ROBO2: variants seen among roughly 807,000 people sequenced by gnomAD.
ROBO2 encodes roundabout homolog 2.
A neutral mutation model predicts 160.8 loss-of-function variants in ROBO2; 53 were observed. That is an observed-to-expected ratio of 0.33 (90% CI 0.26 to 0.41). The LOEUF (loss-of-function observed/expected upper bound fraction) is 0.41. Among genes scored for constraint, ROBO2 ranks in the 10% least tolerant of loss-of-function variants. ROBO2 has a pLI of 1.00. For synonymous variants in ROBO2, 664 were observed against 611.7 expected (o/e 1.09, Z -1.26); for missense variants, 1,577 against 1,722.4 (o/e 0.92, Z 1.49).
At chr3:77,572,722 T>C (rs1434273219) in intron 13 of ROBO2, among the ~76,000 whole-genome samples, 1 of 151,836 alleles carries the variant, frequency 6.6e-6, no homozygotes, top group Non-Finnish European at 1.5e-5. Flanking sequence ...TTCCTTTTGT[T>C]CCACTGTATT....
chr3:76,727,700 G>T lies in ROBO2; in HGVS notation c.110-370314G>T, dbSNP rs1286221533. On this transcript the variant is annotated intron_variant, in intron 2 of 26. Coordinates refer to the ROBO2 transcript ENST00000487694. The stretch of plus-strand genomic sequence containing the variant: ...GTGGAAGCTAAAAAAGTTGATCTCA[G>T]GGAGGTAGAGAGTAGAATGCTAGAT... Among the ~76,000 whole-genome samples, 8 of 152,216 alleles carry T rather than the reference G, an allele frequency of 5.3e-5. No homozygotes were observed. The South Asian group carries it at 1.5e-3, about 28-fold the overall frequency.
intron 2 of ROBO2, among the ~76,000 whole-genome samples, chr3:76,782,654 T>G (rs557242198): frequency 6.6e-6 from 1 of 150,906 alleles, no homozygotes; most frequent in African/African-American, 2.4e-5. Flanking sequence ...CATTTTACAG[T>G]TTTTGACTTA....
Position 77,392,786 on chromosome 3 carries a change from A to T in ROBO2, c.389-84628A>T, listed in dbSNP as rs1209213062. The stretch of plus-strand genomic sequence containing the variant: ...GATTTAAACATAGTACTATTTTTTT[A>T]TTCCTAACAGAAGCTATTTCTTTGT... On this transcript the variant is annotated intron_variant, in intron 2 of 25. Coordinates refer to ENST00000461745, the Ensembl canonical transcript of ROBO2. 2.0e-5 allele frequency among the ~76,000 whole-genome samples: 3 copies of T among 152,132 alleles called. No homozygotes were observed. In the East Asian group the frequency reaches 5.8e-4, roughly 29 times the overall value.
At chr3:77,138,926 T>C (rs1024977918) in intron 2 of ROBO2, among the ~76,000 whole-genome samples, 1 of 152,146 alleles carries the variant, frequency 6.6e-6, no homozygotes, top group Admixed American at 6.5e-5. Flanking sequence ...AAAAAATGTC[T>C]GACTCTGGCT....
At chr3:76,885,942 C>T (rs574415390) in intron 2 of ROBO2, among the ~76,000 whole-genome samples, 8 of 152,136 alleles carry the variant, frequency 5.3e-5, no homozygotes, top group Non-Finnish European at 8.8e-5. Context: ...AGGTGAGGAG[C>T]GGGGGAGGGC....
intron 2 of ROBO2, among the ~76,000 whole-genome samples, chr3:76,169,364 A>G (rs369121821): frequency 1.3e-4 from 20 of 152,302 alleles, no homozygotes; most frequent in Middle Eastern, 3.4e-3. Flanking sequence ...TAACGGAGGC[A>G]CAACATTTTG....
Position 77,616,936 on chromosome 3 carries a change from A to T in ROBO2, c.3294-577A>T, listed in dbSNP as rs550804326. 5.6e-4 allele frequency among the ~76,000 whole-genome samples: 85 copies of T among 152,300 alleles called. 1 individual carries two copies. The South Asian group carries it at 0.017, about 30-fold the overall frequency. ...CAAGGTTTTGAACTCCTGTTTTGTGATTTGCATTTGGATGACAAGATAAAG... is the reference window on the plus strand; with the variant it reads ...CAAGGTTTTGAACTCCTGTTTTGTGTTTTGCATTTGGATGACAAGATAAAG... On this transcript the variant is annotated intron_variant, in intron 21 of 25. Transcript: ENST00000461745.
At chr3:76,175,376 A>G (rs1343735505) in intron 2 of ROBO2, among the ~76,000 whole-genome samples, 2 of 151,878 alleles carry the variant, frequency 1.3e-5, no homozygotes, top group Non-Finnish European at 2.9e-5. Flanking sequence ...ATGCATGCTA[A>G]TTGTTTTAAG....
chr3:77,384,794 A>G (rs2073927197), intron 2 of ROBO2, among the ~76,000 whole-genome samples: 1 of 152,206 alleles, frequency 6.6e-6, no homozygotes, highest in South Asian at 2.1e-4. Context: ...GTTAATGAGA[A>G]TTTAAAATAT....
intron 2 of ROBO2, among the ~76,000 whole-genome samples, chr3:76,502,028 A>C (rs9867552): frequency 0.015 from 2,191 of 146,960 alleles, 57 homozygotes; most frequent in African/African-American, 0.057. Context: ...CATAATCTTT[A>C]ATATTCAAAC....
intron 2 of ROBO2, among the ~76,000 whole-genome samples, chr3:76,132,472 C>CAATTA (rs1242096714): frequency 6.7e-6 from 1 of 148,510 alleles, no homozygotes; most frequent in African/African-American, 2.5e-5. Flanking sequence ...TCACATTCAT[C>CAATTA]AATTAGGAAA....
intron 2 of ROBO2, among the ~76,000 whole-genome samples, chr3:77,193,307 G>A (rs1238096023): frequency 2.0e-5 from 3 of 151,812 alleles, no homozygotes; most frequent in African/African-American, 7.3e-5. Flanking sequence ...ATAAGGTCTT[G>A]TTCTGTTGTC....
Position 75,918,667 on chromosome 3 carries a change from G to A in ROBO2, c.-14+11707G>A, listed in dbSNP as rs1255745841. Reference sequence around the variant, plus strand: ...GATATTGAGTCTTCCTATCCATGAGGATGGAATGTTTCTCTATATGTTTGT... The same window carrying A: ...GATATTGAGTCTTCCTATCCATGAGAATGGAATGTTTCTCTATATGTTTGT... On this transcript the variant is annotated intron_variant, in intron 1 of 26. Coordinates refer to the ROBO2 transcript ENST00000487694. Among the ~76,000 whole-genome samples, 5 of 152,128 alleles carry A rather than the reference G, an allele frequency of 3.3e-5. No individual in the cohort carries two copies. The South Asian group carries it at 6.2e-4, about 19-fold the overall frequency.
chr3:76,706,991 A>G (rs1381357150), intron 2 of ROBO2, among the ~76,000 whole-genome samples: 1 of 151,588 alleles, frequency 6.6e-6, no homozygotes, highest in Non-Finnish European at 1.5e-5. Flanking sequence ...ACAGATTTCT[A>G]AAGTGTCTTT....
At chr3:76,920,990 C>G (rs781315022) in intron 2 of ROBO2, among the ~76,000 whole-genome samples, 55 of 152,132 alleles carry the variant, frequency 3.6e-4, no homozygotes, top group Non-Finnish European at 6.6e-4. Context: ...TCTATATGTT[C>G]AGAGGGCGAA....
At chr3:77,080,537 C>T (rs1480731378) in intron 1 of ROBO2, among the ~76,000 whole-genome samples, 25 of 152,196 alleles carry the variant, frequency 1.6e-4, no homozygotes, top group Non-Finnish European at 4.4e-5. Flanking sequence ...GTCTGAATAT[C>T]GAGTACATCC....
chr3:77,180,416 C>CTATATATATATATATATA (rs71104657), intron 2 of ROBO2, among the ~76,000 whole-genome samples: 4 of 90,700 alleles, frequency 4.4e-5, no homozygotes, highest in African/African-American at 7.7e-5. Context: ...CTCTCTCTCT[C>CTATATATATATATATATA]TATATATATA....
chr3:77,076,143 T>A (rs1300470693), intron 1 of ROBO2, among the ~76,000 whole-genome samples: 1 of 152,184 alleles, frequency 6.6e-6, no homozygotes, highest in Non-Finnish European at 1.5e-5. Context: ...CATTTTATTA[T>A]CTTATAGTTT....
At chr3:76,603,250 T>A (rs547751789) in intron 2 of ROBO2, among the ~76,000 whole-genome samples, 43 of 147,118 alleles carry the variant, frequency 2.9e-4, no homozygotes, top group Middle Eastern at 3.7e-3. Flanking sequence ...GAGAATGGCG[T>A]GAACCCGGGA....
Sources: gnomAD v4.1 joint callset for allele counts (sites outside exome capture counted in the v4.1 genomes callset) on GRCh38, gnomAD v4.1.1 for gene constraint, MANE v1.5 for transcripts, NCBI Gene and HGNC (gene_info 2026-07-23, HGNC 2026-07-21) for gene names.